The following CAMK1D variants were observed in gnomAD, a reference collection of about 807,000 sequenced individuals.
CAMK1D encodes the protein calcium/calmodulin-dependent protein kinase type 1D.
A neutral mutation model predicts 47.7 loss-of-function variants in CAMK1D; 9 were observed. That is an observed-to-expected ratio of 0.19 (90% CI 0.11 to 0.33). The LOEUF (loss-of-function observed/expected upper bound fraction) is 0.33. CAMK1D is among the 10% of genes least tolerant of loss of function. The pLI is 1.00. For synonymous variants in CAMK1D, 184 were observed against 184.9 expected (o/e 0.99, Z 0.04); for missense variants, 291 against 488.7 (o/e 0.60, Z 3.81).
intron 3 of CAMK1D, among the ~76,000 whole-genome samples, chr10:12,755,984 C>G (rs143259328): frequency 1.3e-5 from 2 of 152,164 alleles, no homozygotes; most frequent in South Asian, 4.1e-4. Flanking sequence ...CTGGCCTTGT[C>G]GTAGGGCAGC....
chr10:12,590,580 A>G (rs1443465979), intron 2 of CAMK1D, among the ~76,000 whole-genome samples: 46 of 152,140 alleles, frequency 3.0e-4, no homozygotes, highest in Admixed American at 3.0e-3. Flanking sequence ...TACTTTATTC[A>G]TAGTTACTGT....
chr10:12,369,457 A>G (rs1300902613), intron 1 of CAMK1D, among the ~76,000 whole-genome samples: 1 of 152,108 alleles, frequency 6.6e-6, no homozygotes, highest in East Asian at 1.9e-4. Flanking sequence ...GTGTATCGGT[A>G]GGAAGGTGCA....
chr10:12,824,411 A>G (rs1490196407), intron 8 of CAMK1D, 54 bp from the exon 9 acceptor site: 1 of 1,480,844 alleles, frequency 6.8e-7, no homozygotes, highest in Non-Finnish European at 9.4e-7. Context: ...TATGGGACGC[A>G]GTGTCAGGGC....
chr10:12,674,377 T>G (rs1840726688), intron 3 of CAMK1D, among the ~76,000 whole-genome samples: 1 of 152,230 alleles, frequency 6.6e-6, no homozygotes, highest in Non-Finnish European at 1.5e-5. Context: ...GAGGACTGTA[T>G]TTTACAATGT....
intron 3 of CAMK1D, among the ~76,000 whole-genome samples, chr10:12,749,714 A>T (rs939066979): frequency 3.3e-5 from 5 of 152,038 alleles, no homozygotes; most frequent in African/African-American, 1.2e-4. Context: ...GCCCACCACC[A>T]TGCTAAATTT....
intron 3 of CAMK1D, among the ~76,000 whole-genome samples, chr10:12,708,072 C>T (rs906530185): frequency 1.3e-5 from 2 of 152,170 alleles, no homozygotes; most frequent in African/African-American, 2.4e-5. Context: ...TTAGTTTAAC[C>T]TTCGCTCTCT....
chr10:12,696,163 A>G (rs1327602181), intron 3 of CAMK1D, among the ~76,000 whole-genome samples: 2 of 152,168 alleles, frequency 1.3e-5, no homozygotes, highest in East Asian at 3.9e-4. Flanking sequence ...TTGTCTTGTA[A>G]GTAGACATAT....
At chr10:12,754,556 T>C (rs764346249) in intron 3 of CAMK1D, among the ~76,000 whole-genome samples, 2 of 152,236 alleles carry the variant, frequency 1.3e-5, no homozygotes, top group African/African-American at 4.8e-5. Context: ...AGATCCTTTA[T>C]GTTGCCCGGT....
At chr10:12,426,451 G>C (rs1276252280) in intron 1 of CAMK1D, among the ~76,000 whole-genome samples, 1 of 152,076 alleles carries the variant, frequency 6.6e-6, no homozygotes, top group South Asian at 2.1e-4. Context: ...TCTCCATATT[G>C]GTCAGGCTGG....
intron 2 of CAMK1D, among the ~76,000 whole-genome samples, chr10:12,571,092 C>T (rs1837309355): frequency 6.6e-6 from 1 of 152,118 alleles, no homozygotes; most frequent in Non-Finnish European, 1.5e-5. Flanking sequence ...CTTTTGGGCC[C>T]CTTGCTACTC....
At chr10:12,728,793 G>A (rs1264653255) in intron 3 of CAMK1D, among the ~76,000 whole-genome samples, 1 of 152,222 alleles carries the variant, frequency 6.6e-6, no homozygotes, top group Admixed American at 6.5e-5. Flanking sequence ...TGCTGCTGGT[G>A]TCTGGCTTTG....
At chr10:12,521,538 G>A (rs902701203) in intron 1 of CAMK1D, among the ~76,000 whole-genome samples, 2 of 152,140 alleles carry the variant, frequency 1.3e-5, no homozygotes, top group Admixed American at 1.3e-4. Flanking sequence ...CTTGTTGAAT[G>A]TTCCATGTGT....
intron 2 of CAMK1D, among the ~76,000 whole-genome samples, chr10:12,559,464 G>A (rs1214119892): frequency 6.6e-6 from 1 of 152,130 alleles, no homozygotes; most frequent in Non-Finnish European, 1.5e-5. Flanking sequence ...CCACTCTCCA[G>A]CCCTTGTCCG....
At chr10:12,572,549 G>A (rs965346497) in intron 2 of CAMK1D, among the ~76,000 whole-genome samples, 3 of 152,214 alleles carry the variant, frequency 2.0e-5, no homozygotes, top group African/African-American at 7.2e-5. Flanking sequence ...TCAGAATAGA[G>A]ACCAGTTGGC....
chr10:12,555,627 GAGA>G (rs977344773), intron 2 of CAMK1D, among the ~76,000 whole-genome samples: 1 of 152,140 alleles, frequency 6.6e-6, no homozygotes, highest in African/African-American at 2.4e-5. Context: ...TCAGTACTTG[GAGA>G]AGAAGTTATT....
chr10:12,603,385 C>CCCTGACCCGTGCACG (rs1376290024), intron 2 of CAMK1D, among the ~76,000 whole-genome samples: 5 of 152,216 alleles, frequency 3.3e-5, no homozygotes, highest in Non-Finnish European at 7.3e-5. Flanking sequence ...CCGCCTCCCA[C>CCCTGACCCGTGCACG]CCTGACCCGT....
intron 1 of CAMK1D, among the ~76,000 whole-genome samples, chr10:12,370,286 G>A (rs116579811): frequency 0.013 from 1,970 of 152,140 alleles, 33 homozygotes; most frequent in African/African-American, 0.038. Context: ...ACAGAAGTCC[G>A]GCACATACAA....
At chr10:12,749,562 G>GTTTTT (rs71982177) in intron 3 of CAMK1D, among the ~76,000 whole-genome samples, 6 of 108,692 alleles carry the variant, frequency 5.5e-5, no homozygotes, top group African/African-American at 2.2e-4. Context: ...TTGTTTGTTT[G>GTTTTT]TTTGTTTGTT....
At chr10:12,702,392 A>G (rs1471098859) in intron 3 of CAMK1D, among the ~76,000 whole-genome samples, 1 of 152,250 alleles carries the variant, frequency 6.6e-6, no homozygotes, top group African/African-American at 2.4e-5. Context: ...TCAGGCAAAC[A>G]CAGTACAGGG....
Sources: allele counts gnomAD v4.1 joint callset (sites outside exome capture counted in the v4.1 genomes callset), GRCh38; gene constraint gnomAD v4.1.1; transcripts MANE v1.5; gene names NCBI Gene and HGNC (gene_info 2026-07-23, HGNC 2026-07-21).